LDLRAD4: variants seen among roughly 807,000 people sequenced by gnomAD.
LDLRAD4 encodes the protein low-density lipoprotein receptor class A domain-containing protein 4.
Under a neutral mutation model 17.0 loss-of-function variants are expected in LDLRAD4, and 5 were observed. That is an observed-to-expected ratio of 0.29 (90% CI 0.15 to 0.62). The LOEUF (loss-of-function observed/expected upper bound fraction) is 0.62. Ranked by LOEUF, LDLRAD4 falls within the 20% of genes least tolerant of loss-of-function variation. The probability of loss-of-function intolerance (pLI) is 0.84; values close to 1 mark genes in which losing one functional copy is unlikely to be tolerated. For missense variants in LDLRAD4, 340 were observed against 424.7 expected (o/e 0.80, Z 1.75); for synonymous variants, 168 against 171.8 (o/e 0.98, Z 0.17).
intron 1 of LDLRAD4, among the ~76,000 whole-genome samples, chr18:13,351,951 G>A (rs2083061853): frequency 6.6e-6 from 1 of 152,160 alleles, no homozygotes; most frequent in Non-Finnish European, 1.5e-5. Flanking sequence ...ATGCAAGGGT[G>A]GTTCAACATA....
intron 1 of LDLRAD4, among the ~76,000 whole-genome samples, chr18:13,321,559 T>G (rs1041755695): frequency 1.3e-5 from 2 of 151,982 alleles, no homozygotes; most frequent in African/African-American, 4.8e-5. Flanking sequence ...CTTCCAAAAA[T>G]AAGGTATTAA....
chr18:13,266,414 G>A (rs898986029), intron 1 of LDLRAD4, among the ~76,000 whole-genome samples: 4 of 152,124 alleles, frequency 2.6e-5, no homozygotes, highest in Admixed American at 6.5e-5. Context: ...GAGCAGTCTC[G>A]GGGACAACAG....
intron 3 of LDLRAD4, among the ~76,000 whole-genome samples, chr18:13,551,779 T>C (rs2094437451): frequency 6.6e-6 from 1 of 152,138 alleles, no homozygotes; most frequent in Non-Finnish European, 1.5e-5. Context: ...TTCGTTCTTT[T>C]TGCACTGCTA....
At chr18:13,450,345 C>G (rs1047878658) in intron 3 of LDLRAD4, among the ~76,000 whole-genome samples, 1 of 89,600 alleles carries the variant, frequency 1.1e-5, no homozygotes, top group Non-Finnish European at 2.1e-5. Flanking sequence ...CCCAAAAAAA[C>G]ACACAAGATC....
chr18:13,387,705 G>A, exon 2 of LDLRAD4: 2 of 1,613,446 alleles, frequency 1.2e-6, no homozygotes, highest in Admixed American at 1.7e-5. Flanking sequence ...TGGAGCACAG[G>A]CTTGTCCGGG....
At chr18:13,260,685 G>C (rs1397005336) in intron 1 of LDLRAD4, among the ~76,000 whole-genome samples, 1 of 152,156 alleles carries the variant, frequency 6.6e-6, no homozygotes, top group Non-Finnish European at 1.5e-5. Context: ...CCTCCTTACA[G>C]ATGTCTGTCT....
At chr18:13,271,506 G>A (rs2146122901) in intron 1 of LDLRAD4, among the ~76,000 whole-genome samples, 1 of 152,298 alleles carries the variant, frequency 6.6e-6, no homozygotes, top group Middle Eastern at 3.4e-3. Context: ...TACCAATGAA[G>A]ACCAAAGAGT....
At chr18:13,345,190 A>C (rs1293464109) in intron 1 of LDLRAD4, among the ~76,000 whole-genome samples, 1 of 152,038 alleles carries the variant, frequency 6.6e-6, no homozygotes, top group Non-Finnish European at 1.5e-5. Context: ...CCAGTGTTTG[A>C]CCATTCAGTA....
rs543919924 is a variant in LDLRAD4, at chr18:13,645,710, C to T, written c.*53C>T. The T allele has an allele frequency of 4.9e-5, 69 of 1,395,178 alleles. No homozygotes were observed. The East Asian group carries it at 9.6e-4, about 19-fold the overall frequency. 86.4% of individuals were successfully genotyped at this position (1,395,178 alleles called of 1,614,324 possible). A position where few individuals can be genotyped will look rare whatever the true frequency, so the allele number is the denominator to read the frequency against. On this transcript the variant is annotated 3_prime_UTR_variant, in exon 6 of 6. Transcript: ENST00000359446. The surrounding 1 kb of genome is among the most constrained non-coding windows in gnomAD (Gnocchi z 5.7). The stretch of plus-strand genomic sequence containing the variant: ...GAAAGAAACCAAGAAGGGAAGCGGC[C>T]GCTGGGCCCCTCCTGCGCACAGTGT...
chr18:13,552,280 G>A lies in LDLRAD4; in HGVS notation c.182-68837G>A, dbSNP rs80245373. ...CCACCAGCCCTTTCCACGACACCGT[G>A]CTTCCTACTTGCTGGGGCAGTGCAG... On this transcript the variant is annotated intron_variant, in intron 3 of 5. Transcript: ENST00000359446. 1.6e-3 allele frequency among the ~76,000 whole-genome samples: 247 copies of A among 152,320 alleles called. 2 individuals carry two copies. In the East Asian group the frequency reaches 0.042, roughly 26 times the overall value.
intron 1 of LDLRAD4, among the ~76,000 whole-genome samples, chr18:13,324,224 G>A (rs1353266635): frequency 2.0e-5 from 3 of 149,590 alleles, no homozygotes; most frequent in Non-Finnish European, 3.0e-5. Flanking sequence ...TGCAAGCTCC[G>A]CCTCCCGGGT....
At chr18:13,580,631 G>T (rs1343579125) in intron 3 of LDLRAD4, among the ~76,000 whole-genome samples, 3 of 152,210 alleles carry the variant, frequency 2.0e-5, no homozygotes, top group Admixed American at 6.5e-5. Flanking sequence ...CAGAGGCACA[G>T]GGTGGCCATC....
chr18:13,297,277 G>A (rs1467664345), intron 1 of LDLRAD4, among the ~76,000 whole-genome samples: 2 of 152,190 alleles, frequency 1.3e-5, no homozygotes, highest in African/African-American at 2.4e-5. Flanking sequence ...ACTGAGGCCC[G>A]AGGTGGGGAT....
chr18:13,616,584 G>A (rs888994468), intron 3 of LDLRAD4, among the ~76,000 whole-genome samples: 17 of 152,188 alleles, frequency 1.1e-4, no homozygotes, highest in Non-Finnish European at 1.3e-4. Context: ...AGACCCTGAC[G>A]CCCTCAGGGG....
chr18:13,439,776 A>C (rs1197170691), intron 3 of LDLRAD4, among the ~76,000 whole-genome samples: 1 of 151,960 alleles, frequency 6.6e-6, no homozygotes, highest in Non-Finnish European at 1.5e-5. Context: ...CTGGGTGAGC[A>C]CCTCCCTGAG....
intron 2 of LDLRAD4, among the ~76,000 whole-genome samples, chr18:13,415,231 G>A (rs2088766580): frequency 6.7e-6 from 1 of 150,258 alleles, no homozygotes; most frequent in Non-Finnish European, 1.5e-5. Context: ...CCTCAGTTAA[G>A]GGATTATTCA....
At chr18:13,433,073 T>C (rs1267873753) in intron 2 of LDLRAD4, among the ~76,000 whole-genome samples, 2 of 152,152 alleles carry the variant, frequency 1.3e-5, no homozygotes, top group Non-Finnish European at 2.9e-5. Context: ...AGGCAGTGAG[T>C]ATATAAATTA....
intron 3 of LDLRAD4, among the ~76,000 whole-genome samples, chr18:13,600,536 G>A (rs1396683409): frequency 2.0e-5 from 3 of 152,224 alleles, no homozygotes; most frequent in Non-Finnish European, 4.4e-5. Context: ...GACAGAATCT[G>A]TAGCCTAAGA....
chr18:13,546,213 C>G (rs1466656655), intron 3 of LDLRAD4, among the ~76,000 whole-genome samples: 2 of 152,118 alleles, frequency 1.3e-5, no homozygotes, highest in African/African-American at 4.8e-5. Flanking sequence ...GGCTGTCACT[C>G]ATCAAGTGGA....
Sources: gnomAD v4.1 joint callset for allele counts (sites outside exome capture counted in the v4.1 genomes callset) on GRCh38, gnomAD v4.1.1 for gene constraint, Gnocchi (gnomAD v3.1) non-coding constraint, MANE v1.5 for transcripts, NCBI Gene and HGNC (gene_info 2026-07-23, HGNC 2026-07-21) for gene names.